ABCA2: variants seen among roughly 807,000 people sequenced by gnomAD.
ABCA2 encodes ATP-binding cassette sub-family A member 2.
ABCA2 carries 84 observed loss-of-function variants against 262.8 expected under a neutral mutation model. The observed-to-expected ratio is 0.32, with a 90% CI of 0.27 to 0.38. The LOEUF is 0.38. Among genes scored for constraint, ABCA2 ranks in the 10% least tolerant of loss-of-function variants. The probability of loss-of-function intolerance (pLI) is 1.00; values close to 1 mark genes in which losing one functional copy is unlikely to be tolerated. For synonymous variants in ABCA2, 1,696 were observed against 1,502.9 expected (o/e 1.13, Z -2.97); for missense variants, 2,662 against 3,405.9 (o/e 0.78, Z 5.44).
At chr9:137,017,440 G>A in intron 17 of ABCA2, 62 bp downstream of exon 17, 2 of 1,597,548 alleles carry the variant, frequency 1.3e-6, no homozygotes, top group Non-Finnish European at 1.7e-6. Context: ...CTGAGAGGAT[G>A]TGGGGTGAGC....
In ABCA2 at chr9:137,020,936, C is replaced by T. The variant is rs768109278; in HGVS notation, c.1023G>A (p.Ser341=). The change falls in exon 9 of 49, where the codon TCG becomes TCA. Residue 341 remains serine, a synonymous_variant. Coordinates refer to ENST00000341511, the MANE Select transcript of ABCA2 (RefSeq NM_001606.5). Reference sequence around the variant, plus strand: ...CCTGGGGCAGTAGCAGGGCCAGGGCCGACAGGACATCCACATCCTGCAGAA... The same window carrying T: ...CCTGGGGCAGTAGCAGGGCCAGGGCTGACAGGACATCCACATCCTGCAGAA... ...QKVLQDVDVL[S]ALALLLPQGA... The T allele has an allele frequency of 5.0e-5, 79 of 1,565,486 alleles. No individual in the cohort carries two copies. Among genetic ancestry groups the T allele is most frequent in the East Asian group, 1.4e-4 (6 of 42,964 alleles).
At position 137,020,601 on chromosome 9, in the gene ABCA2, C is replaced by G. The variant is rs1419057864; in HGVS notation, c.1265+93G>C. On this transcript the variant is annotated intron_variant, in intron 9 of 48. Coordinates refer to ENST00000341511, the MANE Select transcript of ABCA2 (RefSeq NM_001606.5). Reference sequence around the variant, plus strand: ...GACTTCGGGGCACAGGGCAGGGCGCCAAATGAGACCTCCAGAGCCAGAGCC... The same window carrying G: ...GACTTCGGGGCACAGGGCAGGGCGCGAAATGAGACCTCCAGAGCCAGAGCC... 3 of 1,554,564 alleles carry G rather than the reference C, an allele frequency of 1.9e-6. No homozygotes were observed. The African/African-American group carries it at 4.1e-5, about 21-fold the overall frequency.
Position 137,014,710 on chromosome 9 carries a change from G to A in ABCA2, c.3983C>T (p.Ser1328Leu), listed in dbSNP as rs866333728. 1.2e-6 allele frequency: 2 copies of A among 1,606,462 alleles called. No homozygotes were observed. The highest frequency in any genetic ancestry group is 1.7e-6 in the Non-Finnish European group (2 of 1,177,744). The stretch of plus-strand genomic sequence containing the variant: ...CTCACCGGCCTCACTGTTCTCCAGC[G>A]ACTGATCCTCCTCCGACACCTTGAG... ...VFLKVSEEDQ[S>L]LENSEADVKE... The change falls in exon 26 of 49, where the codon TCG (serine) becomes TTG (leucine). Residue 1328 changes from serine to leucine, a missense_variant. This residue lies in a region of ABCA2 where 297 missense variants were observed against 286.5 expected (regional missense o/e 1.04). Coordinates refer to ENST00000341511, the MANE Select transcript of ABCA2 (RefSeq NM_001606.5).
rs773942133 is a variant in ABCA2, at chr9:137,021,584, C to T, written c.705G>A (p.Leu235=). 8.2e-5 allele frequency: 128 copies of T among 1,561,350 alleles called. 1 individual carries two copies. In the South Asian group the frequency reaches 1.4e-3, roughly 17 times the overall value. The change falls in exon 8 of 49, where the codon CTG becomes CTA. Residue 235 remains leucine, a synonymous_variant. Transcript: ENST00000341511. This position sits in a 1 kb window ranked among gnomAD's most constrained non-coding sequence, Gnocchi z 6.0. The stretch of plus-strand genomic sequence containing the variant: ...AGCCCGGCGTGCAGGTGAGCTGCTC[C>T]AGGAGGGCAGGAGCCAGCAGCAGCT... ...MEELLLAPAL[L]EQLTCTPGSG... is the part of the protein sequence containing the mutation.
In ABCA2 at chr9:137,007,677, G is replaced by C; in HGVS notation, c.*252C>G. On this transcript the variant is annotated 3_prime_UTR_variant, in exon 49 of 49. Transcript: ENST00000341511. The stretch of plus-strand genomic sequence containing the variant: ...GGCGAGGGGCCGGGCAGACCCCGAG[G>C]CTTTAAGGCAAAGCAGGGCAAGGGT... 2 of 582,560 alleles carry C rather than the reference G, an allele frequency of 3.4e-6. No homozygotes were observed. Among genetic ancestry groups the C allele is most frequent in the Non-Finnish European group, 6.1e-6 (2 of 328,110 alleles). The allele number at this position is 582,560 out of a possible 1,614,324, so 36.1% of individuals were successfully genotyped here. A position where few individuals can be genotyped will look rare whatever the true frequency, so the allele number is the denominator to read the frequency against.
At chr9:137,026,032 C>T (rs1290887087) in intron 1 of ABCA2, among the ~76,000 whole-genome samples, 1 of 152,192 alleles carries the variant, frequency 6.6e-6, no homozygotes, top group East Asian at 1.9e-4. Flanking sequence ...CCCTGTAGCT[C>T]CCGCCTACTG....
intron 2 of ABCA2, 135 bp from the exon 3 acceptor site, chr9:137,023,975 C>T: frequency 1.3e-6 from 2 of 1,533,132 alleles, no homozygotes; most frequent in African/African-American, 1.4e-5. Context: ...CCAGCCCCGA[C>T]CTCCACAGCC....
At chr9:137,015,279 G>A in intron 24 of ABCA2, 135 bp downstream of exon 24, 1 of 1,247,710 alleles carries the variant, frequency 8.0e-7, no homozygotes, top group Non-Finnish European at 1.1e-6. Context: ...CGTTGCAGAG[G>A]GCGGGCCAGG....
Position 137,022,685 on chromosome 9 carries a change from C to T in ABCA2, c.439+17G>A. ...TGCCCGCAGCCCTGCCCCCCAACTT[C>T]CCTGCACAGGGCACACCTGTGGATC... On this transcript the variant is annotated intron_variant, in intron 5 of 48. Transcript: ENST00000341511. The T allele has an allele frequency of 6.2e-7, 1 of 1,601,466 alleles. No homozygotes were observed. The highest frequency in any genetic ancestry group is 8.5e-7 in the Non-Finnish European group (1 of 1,176,242).
At chr9:137,016,222 C>T (rs766419134) in intron 21 of ABCA2, 48 bp from the exon 22 acceptor site, 13 of 1,610,754 alleles carry the variant, frequency 8.1e-6, no homozygotes, top group Middle Eastern at 1.6e-4. Flanking sequence ...GCAGGGGCCC[C>T]ACCCTGCCCT....
rs1831410772 is a variant in ABCA2 at position 137,020,447 on chromosome 9, G to A, written c.1314C>T (p.Gly438=). 1 of 1,610,514 alleles carries A rather than the reference G, an allele frequency of 6.2e-7. No individual in the cohort carries two copies. The highest frequency in any genetic ancestry group is 1.3e-5 in the African/African-American group (1 of 74,904). ...GGTTCCGCTGCTCCTTGCTCGTGAAGCCCAGGGAGCTCATGTTGCCCCGCC... is the reference window on the plus strand; with the variant it reads ...GGTTCCGCTGCTCCTTGCTCGTGAAACCCAGGGAGCTCATGTTGCCCCGCC... ...ALRRGNMSSL[G]FTSKEQRNLG... The change falls in exon 10 of 49, where the codon GGC becomes GGT. Residue 438 remains glycine, a synonymous_variant. Transcript: ENST00000341511.
rs1831380117 is a variant in ABCA2 at position 137,019,496 on chromosome 9, C to T, written c.1426-190G>A. 3 of 617,128 alleles carry T rather than the reference C, an allele frequency of 4.9e-6. No homozygotes were observed. The highest frequency in any genetic ancestry group is 4.2e-5 in the South Asian group (2 of 47,904). 38.2% of individuals were successfully genotyped at this position (617,128 alleles called of 1,614,324 possible). ...GGAGTGCAGTGGTGCAGTCCCAGCT[C>T]ACTGCAGCCTCCACCTCCCAGGCTC... On this transcript the variant is annotated intron_variant, in intron 10 of 48. Transcript: ENST00000341511. The surrounding 1 kb of genome is among the most constrained non-coding windows in gnomAD (Gnocchi z 4.4).
At chr9:137,018,691 C>A in intron 13 of ABCA2, 28 bp downstream of exon 13, 8 of 936,740 alleles carry the variant, frequency 8.5e-6, no homozygotes, top group Non-Finnish European at 1.0e-5. Flanking sequence ...CTGTGGGGGG[C>A]TGGGGCGGGG....
At chr9:137,014,470 C>T (rs866542843) in intron 26 of ABCA2, 66 bp from the exon 27 acceptor site, 15 of 1,504,988 alleles carry the variant, frequency 1.0e-5, no homozygotes, top group Middle Eastern at 2.3e-4. Flanking sequence ...CCAGGACCCC[C>T]ATCCCCGGTC....
Position 137,028,102 on chromosome 9 carries a change from C to T in ABCA2, c.39G>A (p.Lys13=). The T allele has an allele frequency of 4.0e-6, 4 of 989,340 alleles. No homozygotes were observed. The South Asian group carries it at 1.8e-4, about 45-fold the overall frequency. 61.3% of individuals were successfully genotyped at this position (989,340 alleles called of 1,614,324 possible). The part of the protein sequence containing the change: ...FLHQLQLLLW[K]NVTLKRRSPW... Reference sequence around the variant, plus strand: ...GGCTCCGGCGTTTGAGCGTCACGTTCTTCCAGAGCAGCAGCTGCAGCTGGT... The same window carrying T: ...GGCTCCGGCGTTTGAGCGTCACGTTTTTCCAGAGCAGCAGCTGCAGCTGGT... The change falls in exon 1 of 49, where the codon AAG becomes AAA. Residue 13 remains lysine, a synonymous_variant. Transcript: ENST00000341511. This position sits in a 1 kb window ranked among gnomAD's most constrained non-coding sequence, Gnocchi z 6.9.
Position 137,012,290 on chromosome 9 carries a change from C to T in ABCA2, c.5274G>A (p.Lys1758=), listed in dbSNP as rs777763200. 11 of 1,582,064 alleles carry T rather than the reference C, an allele frequency of 7.0e-6. No homozygotes were observed. The Admixed American group carries it at 8.5e-5, about 12-fold the overall frequency. Residue 1758 remains lysine (K), a synonymous_variant, in exon 33 of 49, where the codon AAG becomes AAA. Coordinates refer to ENST00000341511, the MANE Select transcript of ABCA2 (RefSeq NM_001606.5). The part of the protein sequence containing the change: ...NNAILRANLP[K]SKGNPAAYGI... ...CGTAAGCCGCCGGGTTGCCCTTGCT[C>T]TTGGGCAGGTTGGCACGCAGGATGG...
chr9:137,016,313 C>T lies in ABCA2; in HGVS notation c.3082G>A (p.Gly1028Arg), dbSNP rs1466982406. The change falls in exon 21 of 49, where the codon GGG (glycine) becomes AGG (arginine). Residue 1028 changes from glycine (G) to arginine (R), a missense_variant. Gly to Arg is a moderately radical substitution (Grantham distance 125). Transcript: ENST00000341511. ...NQVVSFLGHN[G>R]AGKTTTMSIL... ...CACATGGTGGTGGTCTTGCCCGCCC[C>T]GTTGTGGCCCAAGAAGGAGACCACC... 1 of 1,612,804 alleles carries T rather than the reference C, an allele frequency of 6.2e-7. No homozygotes were observed. Among genetic ancestry groups the T allele is most frequent in the Non-Finnish European group, 8.5e-7 (1 of 1,179,956 alleles).
rs751657689 is a variant in ABCA2, at chr9:137,013,306, C to T, written c.4563G>A (p.Ser1521=). Residue 1521 remains serine (S), a synonymous_variant, in exon 30 of 49, where the codon TCG becomes TCA. Coordinates refer to ENST00000341511, the MANE Select transcript of ABCA2 (RefSeq NM_001606.5). The part of the protein sequence containing the change: ...EERREYRLRL[S]PDASPQQLVS... Reference sequence around the variant, plus strand: ...CGAGCTGCTGGGGGCTGGCGTCGGGCGATAGCCGCAGCCTGCGGGCACCGA... The same window carrying T: ...CGAGCTGCTGGGGGCTGGCGTCGGGTGATAGCCGCAGCCTGCGGGCACCGA... 7.1e-6 allele frequency: 11 copies of T among 1,555,386 alleles called. No individual in the cohort carries two copies. Among genetic ancestry groups the T allele is most frequent in the East Asian group, 4.7e-5 (2 of 42,648 alleles).
intron 46 of ABCA2, 32 bp from the exon 47 acceptor site, chr9:137,008,900 G>GCCCCCCCCCCCCCCTCGGGCCC (rs59031144): frequency 6.5e-7 from 1 of 1,535,814 alleles, no homozygotes; most frequent in Admixed American, 1.7e-5. Flanking sequence ...GCCTGGCAGC[G>GCCCCCCCCCCCCCCTCGGGCCC]CCCCCCCACC....
Sources: gnomAD v4.1 joint callset for allele counts (sites outside exome capture counted in the v4.1 genomes callset) on GRCh38, gnomAD v4.1.1 for gene constraint, gnomAD v4.1.1 regional missense constraint, Gnocchi (gnomAD v3.1) non-coding constraint, MANE v1.5 for transcripts, NCBI Gene and HGNC (gene_info 2026-07-23, HGNC 2026-07-21) for gene names.